ATIC: variants seen among roughly 807,000 people sequenced by gnomAD.
ATIC encodes the protein bifunctional purine biosynthesis protein ATIC.
Under a neutral mutation model 72.5 loss-of-function variants are expected in ATIC, and 64 were observed. The observed-to-expected ratio is 0.88, with a 90% CI of 0.72 to 1.09. ATIC has a LOEUF of 1.09. Among genes scored for constraint, ATIC ranks in the 50% least tolerant of loss-of-function variants. ATIC has a pLI of 0.00. For missense variants in ATIC, 787 were observed against 732.4 expected (o/e 1.07, Z -0.86); for synonymous variants, 281 against 267.1 (o/e 1.05, Z -0.51).
intron 14 of ATIC, 44 bp from the exon 15 acceptor site, chr2:215,349,050 G>T (rs1026261355): frequency 6.2e-7 from 1 of 1,608,582 alleles, no homozygotes; most frequent in Non-Finnish European, 8.5e-7. Flanking sequence ...TAGAACTAAA[G>T]ACGATGTCAG....
At chr2:215,334,752 T>G (rs1336688960) in intron 9 of ATIC, among the ~76,000 whole-genome samples, 167 bp from the exon 10 acceptor site, 1 of 152,212 alleles carries the variant, frequency 6.6e-6, no homozygotes, top group Non-Finnish European at 1.5e-5. Context: ...AAAGAATACT[T>G]TCTTACTGGT....
At chr2:215,313,386 A>T (rs1301229630) in intron 2 of ATIC, among the ~76,000 whole-genome samples, 2 of 152,200 alleles carry the variant, frequency 1.3e-5, no homozygotes, top group African/African-American at 2.4e-5. Flanking sequence ...CAAGCCCTTC[A>T]TTAGCTGACT....
chr2:215,337,819 G>A (rs1381989552), intron 11 of ATIC, among the ~76,000 whole-genome samples: 1 of 152,202 alleles, frequency 6.6e-6, no homozygotes, highest in Non-Finnish European at 1.5e-5. Context: ...GTTGGAGAGT[G>A]TCAAAGGAAT....
Position 215,346,764 on chromosome 2 carries a change from C to T in ATIC, c.1326C>T (p.Ile442=), listed in dbSNP as rs766841228. 2.2e-5 allele frequency: 36 copies of T among 1,613,944 alleles called. No homozygotes were observed. In the Admixed American group the frequency reaches 3.0e-4, roughly 13 times the overall value. Residue 442 remains isoleucine (I), a synonymous_variant, in exon 14 of 16, where the codon ATC becomes ATT. Transcript: ENST00000236959. Reference sequence around the variant, plus strand: ...TTAATGTCTGTGTTCCTCAGGTTATCGGCATTGGAGCAGGACAGCAGTCTC... The same window carrying T: ...TTAATGTCTGTGTTCCTCAGGTTATTGGCATTGGAGCAGGACAGCAGTCTC... ...SVCYAKNGQV[I]GIGAGQQSRI...
chr2:215,340,794 A>C (rs893293078), intron 12 of ATIC, among the ~76,000 whole-genome samples: 1 of 152,140 alleles, frequency 6.6e-6, no homozygotes, highest in South Asian at 2.1e-4. Context: ...AAGACTGCCA[A>C]AAGTTGTGCT....
Position 215,340,796 on chromosome 2 carries a change from A to G in ATIC, c.1227+1889A>G, listed in dbSNP as rs78090563. Among the ~76,000 whole-genome samples, 784 of 152,238 alleles carry G rather than the reference A, an allele frequency of 5.1e-3. 6 individuals are homozygous for G. The highest frequency in any genetic ancestry group is 0.018 in the African/African-American group (748 of 41,546). On this transcript the variant is annotated intron_variant, in intron 12 of 15. Coordinates refer to ENST00000236959, the MANE Select transcript of ATIC (RefSeq NM_004044.7). ...CCCTTAGTCCTCTAAGACTGCCAAA[A>G]GTTGTGCTCAGCCAATTTACCTTTA...
At chr2:215,334,168 T>C (rs532099295) in intron 9 of ATIC, among the ~76,000 whole-genome samples, 8 of 151,350 alleles carry the variant, frequency 5.3e-5, no homozygotes, top group Non-Finnish European at 1.0e-4. Context: ...GTGACCAAAA[T>C]TGAAATTACA....
chr2:215,339,044 T>C (rs1457535833), intron 12 of ATIC, 137 bp downstream of exon 12: 1 of 1,210,102 alleles, frequency 8.3e-7, no homozygotes, highest in Non-Finnish European at 1.2e-6. Context: ...TATCTTTGAG[T>C]TGTCACATAA....
chr2:215,318,300 T>C (rs2052731852), intron 3 of ATIC, 67 bp downstream of exon 3: 1 of 1,426,116 alleles, frequency 7.0e-7, no homozygotes, highest in Non-Finnish European at 9.9e-7. Context: ...GTTGATAGCG[T>C]CCTAAAATAA....
the ATIC span, among the ~76,000 whole-genome samples, chr2:215,359,930 TG>T: frequency 1.3e-5 from 2 of 152,040 alleles, no homozygotes; most frequent in African/African-American, 4.8e-5. Context: ...CTATTCTGAA[TG>T]TCACATTTAT....
intron 8 of ATIC, 75 bp from the exon 9 acceptor site, chr2:215,333,275 A>G: frequency 7.8e-7 from 1 of 1,286,462 alleles, no homozygotes; most frequent in Non-Finnish European, 1.1e-6. Context: ...GTGTTAAGAA[A>G]ACTGTCTTGA....
chr2:215,336,635 A>G (rs535642497), intron 11 of ATIC, among the ~76,000 whole-genome samples: 3 of 152,174 alleles, frequency 2.0e-5, no homozygotes, highest in African/African-American at 7.2e-5. Flanking sequence ...TTCTTTTTCT[A>G]TTTTCCTATT....
intron 4 of ATIC, 63 bp from the exon 5 acceptor site, chr2:215,325,178 A>T: frequency 1.6e-6 from 2 of 1,250,898 alleles, no homozygotes; most frequent in South Asian, 2.4e-5. Flanking sequence ...TTTTTTTCCT[A>T]GATAGCTGTA....
chr2:215,328,015 A>G (rs1028121019), intron 7 of ATIC, among the ~76,000 whole-genome samples: 9 of 151,812 alleles, frequency 5.9e-5, no homozygotes, highest in Non-Finnish European at 1.0e-4. Flanking sequence ...CTGGGATTAC[A>G]GGTGCGCACC....
intron 12 of ATIC, among the ~76,000 whole-genome samples, chr2:215,339,246 G>A (rs920299003): frequency 2.6e-5 from 4 of 152,232 alleles, no homozygotes; most frequent in Non-Finnish European, 4.4e-5. Flanking sequence ...GATGCTGGGT[G>A]CAGTAGCTGA....
intron 4 of ATIC, among the ~76,000 whole-genome samples, chr2:215,322,630 C>T (rs957022266): frequency 2.0e-5 from 3 of 152,068 alleles, no homozygotes; most frequent in African/African-American, 7.2e-5. Context: ...CCGCACCCGG[C>T]GTGTGTACAT....
chr2:215,343,729 G>A (rs2053043720), intron 12 of ATIC, among the ~76,000 whole-genome samples: 2 of 152,192 alleles, frequency 1.3e-5, no homozygotes, highest in Non-Finnish European at 2.9e-5. Context: ...TTCGTAGCTT[G>A]TCTTTTCATC....
At chr2:215,351,508 T>A (rs1354674658), downstream of ATIC, among the ~76,000 whole-genome samples, 1 of 152,144 alleles carries the variant, frequency 6.6e-6, no homozygotes, top group Non-Finnish European at 1.5e-5. Flanking sequence ...CTGTCTATAA[T>A]CCCAGCACTT....
rs111339642 is a variant in ATIC at position 215,319,093 on chromosome 2, C to T, written c.224-572C>T. ...ACGGGGTCTCACCTTGTTGCCCAGG[C>T]TGGTCTCGAACACCTGGGCTCAAGC... On this transcript the variant is annotated intron_variant, in intron 3 of 15. Coordinates refer to ENST00000236959, the MANE Select transcript of ATIC (RefSeq NM_004044.7). Among the ~76,000 whole-genome samples, 135 of 152,140 alleles carry T rather than the reference C, an allele frequency of 8.9e-4. 1 individual carries two copies. Among genetic ancestry groups the T allele is most frequent in the African/African-American group, 3.1e-3 (130 of 41,516 alleles).
Sources: gnomAD v4.1 joint callset for allele counts (sites outside exome capture counted in the v4.1 genomes callset) on GRCh38, gnomAD v4.1.1 for gene constraint, MANE v1.5 for transcripts, NCBI Gene and HGNC (gene_info 2026-07-23, HGNC 2026-07-21) for gene names.